PLEKHA8: variants seen among roughly 807,000 people sequenced by gnomAD.
PLEKHA8 encodes pleckstrin homology domain-containing family A member 8.
PLEKHA8 carries 36 observed loss-of-function variants against 68.2 expected under a neutral mutation model. The observed-to-expected ratio is 0.53, with a 90% CI of 0.40 to 0.70. The LOEUF (loss-of-function observed/expected upper bound fraction) is 0.70. PLEKHA8 is among the 30% of genes least tolerant of loss of function. The pLI is 0.00. For missense variants in PLEKHA8, 505 were observed against 615.4 expected, an observed-to-expected ratio of 0.82 and a Z score of 1.90; for synonymous variants, 211 against 216.1, an observed-to-expected ratio of 0.98 and a Z score of 0.20.
chr7:30,040,745 CT>C (rs200724595), intron 1 of PLEKHA8, among the ~76,000 whole-genome samples: 7 of 149,464 alleles, frequency 4.7e-5, no homozygotes, highest in South Asian at 2.1e-4. Context: ...TTTAAATACT[CT>C]TTTTTTTTTA....
chr7:30,091,999 C>T (rs17158626), downstream of PLEKHA8, among the ~76,000 whole-genome samples: 2,902 of 152,242 alleles, frequency 0.019, 44 homozygotes, highest in East Asian at 0.041. Context: ...CATAGAAGCC[C>T]GTGGAAGCCC....
At chr7:30,056,312 C>CTATCTA (rs1554385030) in intron 9 of PLEKHA8, among the ~76,000 whole-genome samples, 1 of 94,544 alleles carries the variant, frequency 1.1e-5, no homozygotes, top group Non-Finnish European at 2.1e-5. Context: ...CTCTCTCTCT[C>CTATCTA]TATATATATA....
Position 30,080,622 on chromosome 7 carries a change from T to C in PLEKHA8, c.*1835T>C. ...CCACATAAAGACTTCTGGAAAATAC[T>C]TAAACTTGAAAAATCAACATCACAT... On this transcript the variant is annotated 3_prime_UTR_variant, in exon 14 of 14. Coordinates refer to ENST00000449726, the MANE Select transcript of PLEKHA8 (RefSeq NM_001197026.2). The C allele has an allele frequency of 1.0e-6, 1 of 985,336 alleles. No individual in the cohort carries two copies. The highest frequency in any genetic ancestry group is 1.2e-6 in the Non-Finnish European group (1 of 829,842). The allele number at this position is 985,336 out of a possible 1,614,324, so 61.0% of individuals were successfully genotyped here. A position where few individuals can be genotyped will look rare whatever the true frequency, so the allele number is the denominator to read the frequency against.
At chr7:30,066,748 T>C (rs555937956) in intron 12 of PLEKHA8, among the ~76,000 whole-genome samples, 30 of 152,330 alleles carry the variant, frequency 2.0e-4, no homozygotes, top group African/African-American at 6.0e-4. Flanking sequence ...GGATAACATA[T>C]TGCCACATAT....
intron 9 of PLEKHA8, among the ~76,000 whole-genome samples, chr7:30,056,896 T>C (rs1393650792): frequency 6.8e-6 from 1 of 146,966 alleles, no homozygotes; most frequent in Non-Finnish European, 1.5e-5. Context: ...TATATGTAAT[T>C]TATATCTAAC....
chr7:30,124,461 AGT>A (rs1482679577), intron 13 of PLEKHA8, among the ~76,000 whole-genome samples: 4 of 152,222 alleles, frequency 2.6e-5, no homozygotes, highest in Admixed American at 6.5e-5. Context: ...AAACTTGGAA[AGT>A]GTGTTTTATT....
At chr7:30,054,265 A>G (rs747672922) in intron 7 of PLEKHA8, among the ~76,000 whole-genome samples, 2 of 152,228 alleles carry the variant, frequency 1.3e-5, no homozygotes, top group Non-Finnish European at 2.9e-5. Context: ...GCACGTGTCC[A>G]CAAATGTCTG....
At position 30,074,132 on chromosome 7, in the gene PLEKHA8, G is replaced by T. The variant is rs757950570; in HGVS notation, c.1362G>T (p.Ala454=). Residue 454 remains alanine (A), a splice_region_variant and synonymous_variant, in exon 13 of 14, where the codon GCG becomes GCT. Transcript: ENST00000449726. ...GCTGGGTAGTTCGAGGGGTTTTTGC[G>T]GTAAGTGATCCTTCTTGTCTCCTAT... ...HHGWVVRGVF[A]LALRAAPSYE... The T allele has an allele frequency of 1.2e-6, 2 of 1,612,122 alleles. No individual in the cohort carries two copies. The highest frequency in any genetic ancestry group is 4.5e-5 in the East Asian group (2 of 44,862).
chr7:30,030,545 G>A (rs928068238), intron 1 of PLEKHA8, among the ~76,000 whole-genome samples: 2 of 152,204 alleles, frequency 1.3e-5, no homozygotes, highest in East Asian at 3.8e-4. Context: ...TGCTGTGAGT[G>A]GTGCTAGGGT....
chr7:30,088,932 T>A (rs1396890718), downstream of PLEKHA8, among the ~76,000 whole-genome samples: 2 of 149,262 alleles, frequency 1.3e-5, no homozygotes, highest in Non-Finnish European at 3.0e-5. Flanking sequence ...TGGGGGTGGG[T>A]TGTGGGATGG....
chr7:30,108,159 G>A (rs1034626387), intron 13 of PLEKHA8, among the ~76,000 whole-genome samples: 13 of 148,968 alleles, frequency 8.7e-5, no homozygotes, highest in Admixed American at 8.7e-4. Context: ...ATCTCATTAA[G>A]AGATTTTCTA....
At position 30,115,921 on chromosome 7, in the gene PLEKHA8, T is replaced by C. The variant is rs1796486877; in HGVS notation, c.1363-13345T>C. ...ATGCATGTATACATGCATGCGTGCG[T>C]GTACATACATGTATACATGCACACA... is the stretch of plus-strand genomic sequence containing the variant. On this transcript the variant is annotated intron_variant, in intron 13 of 13. Transcript: ENST00000396257. The C allele has an allele frequency of 2.7e-5, 3 of 110,382 alleles. 1 individual carries two copies. The highest frequency in any genetic ancestry group is 1.0e-4 in the African/African-American group (3 of 28,678). 6.8% of individuals were successfully genotyped at this position (110,382 alleles called of 1,614,324 possible).
intron 12 of PLEKHA8, among the ~76,000 whole-genome samples, chr7:30,065,480 G>T (rs1339494217): frequency 7.1e-6 from 1 of 140,628 alleles, no homozygotes; most frequent in Non-Finnish European, 1.5e-5. Flanking sequence ...TTTGAGAAAT[G>T]TTTACACAAT....
intron 3 of PLEKHA8, 133 bp downstream of exon 3, chr7:30,046,498 T>C (rs1791974994): frequency 9.6e-7 from 1 of 1,045,136 alleles, no homozygotes; most frequent in Admixed American, 3.1e-5. Context: ...TGTATCTTAG[T>C]ATAATTTAAA....
chr7:30,055,857 T>C (rs1456834276), intron 9 of PLEKHA8, among the ~76,000 whole-genome samples: 6 of 152,124 alleles, frequency 3.9e-5, no homozygotes, highest in South Asian at 2.1e-4. Context: ...GGTTTCGTCA[T>C]GTTGCCCATA....
At chr7:30,039,217 T>A (rs1791335896) in intron 1 of PLEKHA8, among the ~76,000 whole-genome samples, 1 of 152,216 alleles carries the variant, frequency 6.6e-6, no homozygotes, top group African/African-American at 2.4e-5. Context: ...AACTTATTTT[T>A]AAAAATTTAT....
In PLEKHA8 at chr7:30,117,986, G is replaced by T; in HGVS notation, c.1363-11280G>T. 2.0e-6 allele frequency: 3 copies of T among 1,531,594 alleles called. No individual in the cohort carries two copies. The South Asian group carries it at 3.6e-5, about 18-fold the overall frequency. The allele number at this position is 1,531,594 out of a possible 1,614,324, so 94.9% of individuals were successfully genotyped here. A position where few individuals can be genotyped will look rare whatever the true frequency, so the allele number is the denominator to read the frequency against. On this transcript the variant is annotated intron_variant, in intron 13 of 13. Coordinates refer to the PLEKHA8 transcript ENST00000396257. Reference sequence around the variant, plus strand: ...TTCTAACAGGGACACACAAATGTCTGATGGTGGCCCAGGAGGGCTGTCACT... The same window carrying T: ...TTCTAACAGGGACACACAAATGTCTTATGGTGGCCCAGGAGGGCTGTCACT...
chr7:30,028,564 A>T lies in PLEKHA8; in HGVS notation c.-199A>T. ...CGGGTTCACCGGCTGGCTGGGCTTC[A>T]AGCGCCGAGGCCGCCGCAGTGACCC... On this transcript the variant is annotated 5_prime_UTR_variant, in exon 1 of 14. Coordinates refer to ENST00000449726, the MANE Select transcript of PLEKHA8 (RefSeq NM_001197026.2). 4 of 386,218 alleles carry T rather than the reference A, an allele frequency of 1.0e-5. No homozygotes were observed. The highest frequency in any genetic ancestry group is 6.8e-4 in the Middle Eastern group (1 of 1,476). The allele number at this position is 386,218 out of a possible 1,614,324, so 23.9% of individuals were successfully genotyped here. A position where few individuals can be genotyped will look rare whatever the true frequency, so the allele number is the denominator to read the frequency against.
intron 1 of PLEKHA8, among the ~76,000 whole-genome samples, chr7:30,038,136 C>T (rs553718255): frequency 6.6e-6 from 1 of 152,182 alleles, no homozygotes; most frequent in South Asian, 2.1e-4. Context: ...AGTAGGCATT[C>T]TACTAGTTGT....
Sources: allele counts gnomAD v4.1 joint callset (sites outside exome capture counted in the v4.1 genomes callset), GRCh38; gene constraint gnomAD v4.1.1; transcripts MANE v1.5; gene names NCBI Gene and HGNC (gene_info 2026-07-23, HGNC 2026-07-21).